Variants in AFG2A observed in about 807,000 individuals in gnomAD.
The protein encoded by AFG2A is AAA ATPase AFG2A, also known as ATPase family gene 2 protein homolog A.
chr4:123,114,706 A>G, the AFG2A span, among the ~76,000 whole-genome samples: 1 of 151,982 alleles, frequency 6.6e-6, no homozygotes, highest in Non-Finnish European at 1.5e-5. Context: ...GGGAGCTCTC[A>G]CCCTACCAAC....
At chr4:123,101,761 A>G in the AFG2A span, among the ~76,000 whole-genome samples, 1 of 151,920 alleles carries the variant, frequency 6.6e-6, no homozygotes, top group Non-Finnish European at 1.5e-5. Flanking sequence ...AATGCCAGCA[A>G]TGTAGCTGAG....
At chr4:122,973,248 G>A in the AFG2A span, among the ~76,000 whole-genome samples, 1 of 152,054 alleles carries the variant, frequency 6.6e-6, no homozygotes, top group Non-Finnish European at 1.5e-5. Context: ...TATTTGCATA[G>A]TATTCCTTTT....
the AFG2A span, among the ~76,000 whole-genome samples, chr4:123,312,256 T>A: frequency 6.6e-6 from 1 of 152,224 alleles, no homozygotes; most frequent in Non-Finnish European, 1.5e-5. Context: ...AGGCTCTCTA[T>A]TCTCTGAGGG....
At chr4:123,038,750 T>C in the AFG2A span, among the ~76,000 whole-genome samples, 2 of 152,106 alleles carry the variant, frequency 1.3e-5, no homozygotes, top group South Asian at 4.1e-4. Flanking sequence ...ATTATTCCAA[T>C]GCGTATTTTC....
the AFG2A span, among the ~76,000 whole-genome samples, chr4:123,270,510 G>A: frequency 1.3e-5 from 2 of 152,106 alleles, no homozygotes; most frequent in Admixed American, 6.5e-5. Context: ...TATAAACCTT[G>A]TGTGCTTTGT....
chr4:123,059,436 G>A, the AFG2A span, among the ~76,000 whole-genome samples: 1 of 151,556 alleles, frequency 6.6e-6, no homozygotes, highest in African/African-American at 2.4e-5. Context: ...AGTTTACTGA[G>A]AATGATGATT....
the AFG2A span, among the ~76,000 whole-genome samples, chr4:122,924,992 C>G: frequency 6.6e-6 from 1 of 152,124 alleles, no homozygotes; most frequent in African/African-American, 2.4e-5. Context: ...TTTTGAATAG[C>G]ACTGTACAAT....
At chr4:122,994,679 G>C in the AFG2A span, among the ~76,000 whole-genome samples, 1 of 152,104 alleles carries the variant, frequency 6.6e-6, no homozygotes, top group Non-Finnish European at 1.5e-5. Context: ...AACCATTAGA[G>C]AGGTAGTACT....
the AFG2A span, among the ~76,000 whole-genome samples, chr4:122,948,387 TACACACACACACACACACAC>T: frequency 3.9e-5 from 5 of 129,618 alleles, no homozygotes; most frequent in South Asian, 2.8e-4. Context: ...CTCCAGAGTA[TACACACACACACACACACAC>T]ACACACACAC....
chr4:123,201,776 G>T, the AFG2A span, among the ~76,000 whole-genome samples: 2 of 151,996 alleles, frequency 1.3e-5, no homozygotes, highest in Non-Finnish European at 2.9e-5. Flanking sequence ...AAAAAATTTA[G>T]CTGGGCATGG....
At chr4:122,943,882 C>T in the AFG2A span, among the ~76,000 whole-genome samples, 1 of 151,850 alleles carries the variant, frequency 6.6e-6, no homozygotes, top group Non-Finnish European at 1.5e-5. Flanking sequence ...TTTTATTTCT[C>T]CTTCACTTAT....
At chr4:122,970,354 T>G in the AFG2A span, among the ~76,000 whole-genome samples, 5 of 152,116 alleles carry the variant, frequency 3.3e-5, no homozygotes, top group African/African-American at 1.2e-4. Flanking sequence ...ACCATCTAGA[T>G]TTTCATAAGT....
At chr4:123,035,323 G>T in the AFG2A span, among the ~76,000 whole-genome samples, 4 of 151,934 alleles carry the variant, frequency 2.6e-5, no homozygotes, top group Non-Finnish European at 4.4e-5. Flanking sequence ...CTCATCTAGA[G>T]TCTGAAACCT....
the AFG2A span, among the ~76,000 whole-genome samples, chr4:123,105,025 TAGA>T: frequency 2.6e-5 from 4 of 152,208 alleles, no homozygotes; most frequent in African/African-American, 7.2e-5. Context: ...AGCCTTATAT[TAGA>T]AGAAGATGGT....
chr4:123,114,772 CTGTGCTGCCTTCTCTG>C, the AFG2A span, among the ~76,000 whole-genome samples: 1 of 152,258 alleles, frequency 6.6e-6, no homozygotes, highest in Non-Finnish European at 1.5e-5. Flanking sequence ...GCAGCATTGA[CTGTGCTGCCTTCTCTG>C]CATCTCCCAC....
At chr4:123,104,358 G>A in the AFG2A span, among the ~76,000 whole-genome samples, 1 of 152,056 alleles carries the variant, frequency 6.6e-6, no homozygotes, top group South Asian at 2.1e-4. Flanking sequence ...TGCTCCAACA[G>A]CCAGCCATTT....
the AFG2A span, among the ~76,000 whole-genome samples, chr4:123,277,396 C>A: frequency 6.6e-6 from 1 of 152,110 alleles, no homozygotes; most frequent in Non-Finnish European, 1.5e-5. Context: ...TGGGGGTTTT[C>A]TAGATATAGA....
chr4:123,057,300 T>G, the AFG2A span: 1 of 1,597,588 alleles, frequency 6.3e-7, no homozygotes, highest in Non-Finnish European at 8.6e-7. Flanking sequence ...TAAGAAGTAT[T>G]TAATAGCACT....
the AFG2A span, among the ~76,000 whole-genome samples, chr4:123,280,389 T>C: frequency 6.6e-6 from 1 of 152,154 alleles, no homozygotes; most frequent in Non-Finnish European, 1.5e-5. Flanking sequence ...AAATAAACAT[T>C]AGTTTTCTAT....
Sources: gnomAD v4.1 joint callset for allele counts (sites outside exome capture counted in the v4.1 genomes callset) on GRCh38, gnomAD v4.1.1 for gene constraint, MANE v1.5 for transcripts, NCBI Gene and HGNC (gene_info 2026-07-23, HGNC 2026-07-21) for gene names.